Variants in FBXL17 observed in about 807,000 individuals in gnomAD.
The protein encoded by FBXL17 is F-box and leucine rich repeat protein 17, also known as F-box/LRR-repeat protein 17.
FBXL17 carries 22 observed loss-of-function variants against 66.2 expected under a neutral mutation model. That is an observed-to-expected ratio of 0.33 (90% CI 0.24 to 0.47). The LOEUF is 0.47. FBXL17 is among the 20% of genes least tolerant of loss of function. The probability of loss-of-function intolerance (pLI) is 1.00; values close to 1 mark genes in which losing one functional copy is unlikely to be tolerated. For missense variants in FBXL17, 878 were observed against 948.2 expected (o/e 0.93, Z 0.97); for synonymous variants, 474 against 400.5 (o/e 1.18, Z -2.19).
At chr5:108,198,201 A>G (rs1753755761) in intron 5 of FBXL17, among the ~76,000 whole-genome samples, 1 of 152,164 alleles carries the variant, frequency 6.6e-6, no homozygotes, top group Admixed American at 6.6e-5. Context: ...GTCACCTAGG[A>G]AGAAACTAAA....
chr5:108,080,795 G>T (rs559738496), intron 6 of FBXL17, among the ~76,000 whole-genome samples: 1 of 152,122 alleles, frequency 6.6e-6, no homozygotes, highest in African/African-American at 2.4e-5. Flanking sequence ...GTAGAAAAGA[G>T]TATCTGAGTT....
At chr5:108,370,435 A>T (rs1244569215) in intron 1 of FBXL17, among the ~76,000 whole-genome samples, 1 of 152,100 alleles carries the variant, frequency 6.6e-6, no homozygotes, top group African/African-American at 2.4e-5. Flanking sequence ...CAACAAGTCT[A>T]GTGAGAAGTA....
chr5:108,249,345 G>C (rs1327939187), intron 4 of FBXL17, among the ~76,000 whole-genome samples: 1 of 152,116 alleles, frequency 6.6e-6, no homozygotes, highest in African/African-American at 2.4e-5. Context: ...ACTGATATAA[G>C]AGCTCCGCAC....
intron 6 of FBXL17, among the ~76,000 whole-genome samples, chr5:108,108,806 A>T (rs1205863264): frequency 1.4e-5 from 2 of 146,174 alleles, no homozygotes; most frequent in African/African-American, 5.1e-5. Context: ...TTTTTGAGAC[A>T]GAGTTTCGCT....
At chr5:108,007,576 A>G (rs1393296035) in intron 7 of FBXL17, among the ~76,000 whole-genome samples, 4 of 152,210 alleles carry the variant, frequency 2.6e-5, no homozygotes, top group African/African-American at 9.6e-5. Flanking sequence ...GCACGTAAAA[A>G]ATGTCTTAAA....
At chr5:108,356,747 T>G (rs1243228212) in intron 3 of FBXL17, among the ~76,000 whole-genome samples, 1 of 152,072 alleles carries the variant, frequency 6.6e-6, no homozygotes, top group Non-Finnish European at 1.5e-5. Flanking sequence ...TAATGGTAGA[T>G]ACATGTCATT....
intron 7 of FBXL17, among the ~76,000 whole-genome samples, chr5:108,004,265 G>A (rs1753844369): frequency 6.6e-6 from 1 of 152,078 alleles, no homozygotes; most frequent in African/African-American, 2.4e-5. Flanking sequence ...ACATTTGTGT[G>A]TGAAAGCCTC....
At chr5:108,329,789 C>G (rs1251845980) in intron 4 of FBXL17, among the ~76,000 whole-genome samples, 2 of 151,888 alleles carry the variant, frequency 1.3e-5, no homozygotes, top group Non-Finnish European at 2.9e-5. Flanking sequence ...AAGTGACATC[C>G]CTTTCAAATT....
At chr5:108,118,026 C>T (rs141924963) in intron 6 of FBXL17, among the ~76,000 whole-genome samples, 1 of 152,186 alleles carries the variant, frequency 6.6e-6, no homozygotes, top group African/African-American at 2.4e-5. Context: ...TTTGGCATTA[C>T]CACATAATAC....
At chr5:108,303,740 A>G (rs1248299299) in intron 4 of FBXL17, among the ~76,000 whole-genome samples, 1 of 152,002 alleles carries the variant, frequency 6.6e-6, no homozygotes, top group East Asian at 1.9e-4. Flanking sequence ...TAATACTAAC[A>G]CATTATTTGC....
intron 4 of FBXL17, among the ~76,000 whole-genome samples, chr5:108,329,984 G>A (rs139716457): frequency 8.3e-4 from 126 of 152,214 alleles, no homozygotes; most frequent in East Asian, 3.9e-3. Context: ...CATGGCCTAT[G>A]GAAAAGGGTC....
chr5:108,122,355 G>T (rs1351279586), intron 6 of FBXL17, among the ~76,000 whole-genome samples: 1 of 152,054 alleles, frequency 6.6e-6, no homozygotes, highest in Non-Finnish European at 1.5e-5. Flanking sequence ...TCTGGCTCTT[G>T]ATTTCATGTT....
chr5:108,014,158 C>A (rs1404127274), intron 7 of FBXL17, among the ~76,000 whole-genome samples: 1 of 151,866 alleles, frequency 6.6e-6, no homozygotes, highest in Non-Finnish European at 1.5e-5. Flanking sequence ...ATTTCCTATA[C>A]CTATAGAAGA....
Position 108,365,090 on chromosome 5 carries a change from AATTAG to A in FBXL17, c.1117-100_1117-96del, listed in dbSNP as rs1191582159. On this transcript the variant is annotated intron_variant, in intron 2 of 8. Coordinates refer to ENST00000542267, the MANE Select transcript of FBXL17 (RefSeq NM_001163315.3). ...AATGTTCCACAATAAACAATATACT[AATTAG>A]ATTATAGCATGAACGATATAATCAA... The A allele has an allele frequency of 3.6e-6, 3 of 828,538 alleles. No homozygotes were observed. The African/African-American group carries it at 5.2e-5, about 14-fold the overall frequency. The allele number at this position is 828,538 out of a possible 1,614,324, so 51.3% of individuals were successfully genotyped here. A position where few individuals can be genotyped will look rare whatever the true frequency, so the allele number is the denominator to read the frequency against.
At chr5:108,263,796 T>G (rs1756932041) in intron 4 of FBXL17, among the ~76,000 whole-genome samples, 3 of 152,186 alleles carry the variant, frequency 2.0e-5, no homozygotes, top group Admixed American at 2.0e-4. Flanking sequence ...TTTCAAAGTG[T>G]CCAGGAAACT....
At chr5:107,920,362 G>C (rs995456272) in intron 7 of FBXL17, among the ~76,000 whole-genome samples, 1 of 152,130 alleles carries the variant, frequency 6.6e-6, no homozygotes, top group Non-Finnish European at 1.5e-5. Flanking sequence ...CTGCCACCAT[G>C]CCTGACTAAT....
At chr5:107,864,409 T>A (rs749651869) in intron 8 of FBXL17, among the ~76,000 whole-genome samples, 1 of 152,252 alleles carries the variant, frequency 6.6e-6, no homozygotes, top group South Asian at 2.1e-4. Flanking sequence ...GAATCTATTT[T>A]TTCTTAATGG....
chr5:107,877,795 A>G (rs1748657270), intron 8 of FBXL17, among the ~76,000 whole-genome samples: 1 of 152,108 alleles, frequency 6.6e-6, no homozygotes, highest in African/African-American at 2.4e-5. Context: ...CTTGGTGGTT[A>G]GCAGATTTGG....
intron 8 of FBXL17, among the ~76,000 whole-genome samples, chr5:107,873,802 T>C (rs1323166914): frequency 6.6e-6 from 1 of 152,228 alleles, no homozygotes; most frequent in Non-Finnish European, 1.5e-5. Context: ...AGGAGATTAT[T>C]TACTGCAAAG....
Sources: gnomAD v4.1 joint callset for allele counts (sites outside exome capture counted in the v4.1 genomes callset) on GRCh38, gnomAD v4.1.1 for gene constraint, MANE v1.5 for transcripts, NCBI Gene and HGNC (gene_info 2026-07-23, HGNC 2026-07-21) for gene names.